Variants in PLA2G4A observed in about 807,000 individuals in gnomAD.
The protein encoded by PLA2G4A is cytosolic phospholipase A2.
In PLA2G4A, 40 loss-of-function variants were observed where a neutral mutation model predicts 81.9. The ratio of observed to expected loss-of-function variants is 0.49; its 90% CI spans 0.38 to 0.64. The LOEUF is 0.64. Among genes scored for constraint, PLA2G4A ranks in the 30% least tolerant of loss-of-function variants. The pLI is 0.00. For synonymous variants in PLA2G4A, 302 were observed against 296.9 expected, an observed-to-expected ratio of 1.02 and a Z score of -0.18; for missense variants, 715 against 905.1, an observed-to-expected ratio of 0.79 and a Z score of 2.69.
intron 1 of PLA2G4A, among the ~76,000 whole-genome samples, chr1:186,853,371 T>A (rs1196924891): frequency 6.6e-6 from 1 of 151,710 alleles, no homozygotes; most frequent in Non-Finnish European, 1.5e-5. Context: ...TACACTTTAT[T>A]CTTTGTTCAC....
chr1:186,893,226 C>G lies in PLA2G4A; in HGVS notation c.264+67C>G. ...TGTTGAGAGACATGCTTGAGTTTGT[C>G]CTTTTACTGCCTTTTTGTTCCTGTT... On this transcript the variant is annotated intron_variant, in intron 4 of 17. Coordinates refer to ENST00000367466, the MANE Select transcript of PLA2G4A (RefSeq NM_024420.3). The G allele has an allele frequency of 2.3e-6, 3 of 1,308,370 alleles. No individual in the cohort carries two copies. The Admixed American group carries it at 5.0e-5, about 22-fold the overall frequency. 81.0% of individuals were successfully genotyped at this position (1,308,370 alleles called of 1,614,324 possible). A position where few individuals can be genotyped will look rare whatever the true frequency, so the allele number is the denominator to read the frequency against.
rs1273906813 is a variant in PLA2G4A, at chr1:186,894,090, C to T, written c.265-8C>T. 8 of 1,033,154 alleles carry T rather than the reference C, an allele frequency of 7.7e-6. No homozygotes were observed. The highest frequency in any genetic ancestry group is 2.4e-5 in the East Asian group (1 of 42,186). The allele number at this position is 1,033,154 out of a possible 1,614,324, so 64.0% of individuals were successfully genotyped here. ...TTTTATTTTTGTGCTTTACATTTTACTCTGTAGATTACGTTAATGGATGCC... is the reference window on the plus strand; with the variant it reads ...TTTTATTTTTGTGCTTTACATTTTATTCTGTAGATTACGTTAATGGATGCC... On this transcript the variant is annotated splice_polypyrimidine_tract_variant and splice_region_variant and intron_variant, in intron 4 of 17. Coordinates refer to ENST00000367466, the MANE Select transcript of PLA2G4A (RefSeq NM_024420.3).
chr1:186,868,714 G>A (rs999756619), intron 2 of PLA2G4A, among the ~76,000 whole-genome samples: 1 of 152,082 alleles, frequency 6.6e-6, no homozygotes, highest in Non-Finnish European at 1.5e-5. Flanking sequence ...TAATAGATAT[G>A]CACCTATTTA....
chr1:186,864,653 T>TTAG (rs1156625682), intron 2 of PLA2G4A, among the ~76,000 whole-genome samples: 2 of 150,370 alleles, frequency 1.3e-5, no homozygotes, highest in East Asian at 3.9e-4. Context: ...CAGATTATTA[T>TTAG]TATTATTATT....
chr1:186,889,176 T>C (rs1462979501), intron 3 of PLA2G4A, among the ~76,000 whole-genome samples: 1 of 152,208 alleles, frequency 6.6e-6, no homozygotes, highest in Non-Finnish European at 1.5e-5. Context: ...AATCTTTTTG[T>C]TCTCTAATTT....
At chr1:186,842,984 A>T (rs1262737079) in intron 1 of PLA2G4A, among the ~76,000 whole-genome samples, 1 of 152,204 alleles carries the variant, frequency 6.6e-6, no homozygotes, top group Non-Finnish European at 1.5e-5. Context: ...AAAAAATGAC[A>T]TAGAAAGGGG....
chr1:186,913,808 G>A (rs1655046810), intron 7 of PLA2G4A, among the ~76,000 whole-genome samples: 1 of 152,144 alleles, frequency 6.6e-6, no homozygotes, highest in African/African-American at 2.4e-5. Flanking sequence ...TTAAGGGCAG[G>A]ATACAGTTGG....
intron 1 of PLA2G4A, among the ~76,000 whole-genome samples, chr1:186,844,945 TC>T (rs1652119515): frequency 1.3e-5 from 2 of 152,016 alleles, no homozygotes; most frequent in Non-Finnish European, 2.9e-5. Context: ...CCACACCTGA[TC>T]ACACTGTAAT....
intron 1 of PLA2G4A, among the ~76,000 whole-genome samples, chr1:186,852,479 T>G (rs146967315): frequency 2.0e-5 from 3 of 152,124 alleles, no homozygotes; most frequent in Admixed American, 1.3e-4. Context: ...GTGAACAAAT[T>G]TATTGGCTTA....
chr1:186,858,308 G>A (rs576535891), intron 2 of PLA2G4A, among the ~76,000 whole-genome samples: 14 of 152,238 alleles, frequency 9.2e-5, no homozygotes, highest in South Asian at 4.1e-4. Flanking sequence ...TCTAACTGGC[G>A]TGAGATGGTT....
chr1:186,951,357 T>C (rs894544673), intron 13 of PLA2G4A, among the ~76,000 whole-genome samples: 1 of 151,996 alleles, frequency 6.6e-6, no homozygotes, highest in African/African-American at 2.4e-5. Context: ...TTGCAACAAA[T>C]ATGAAAGTCA....
At chr1:186,962,379 G>A (rs908675826) in intron 14 of PLA2G4A, among the ~76,000 whole-genome samples, 1 of 151,966 alleles carries the variant, frequency 6.6e-6, no homozygotes, top group African/African-American at 2.4e-5. Context: ...TCCCATTATT[G>A]TGTTTTTAAA....
intron 2 of PLA2G4A, among the ~76,000 whole-genome samples, chr1:186,867,989 A>G (rs1406345874): frequency 1.3e-5 from 2 of 150,820 alleles, no homozygotes; most frequent in African/African-American, 2.4e-5. Flanking sequence ...TTGTTGATAT[A>G]TGGATTAAAT....
intron 3 of PLA2G4A, among the ~76,000 whole-genome samples, chr1:186,871,917 G>T (rs73053795): frequency 0.018 from 2,695 of 152,106 alleles, 74 homozygotes; most frequent in African/African-American, 0.061. Context: ...CAATGAAAAT[G>T]CCAGTAAAGA....
intron 2 of PLA2G4A, among the ~76,000 whole-genome samples, chr1:186,865,328 G>A (rs1180932779): frequency 6.6e-6 from 1 of 151,918 alleles, no homozygotes; most frequent in Non-Finnish European, 1.5e-5. Flanking sequence ...AGATTAGATA[G>A]TATTGTTAGA....
intron 3 of PLA2G4A, among the ~76,000 whole-genome samples, chr1:186,873,027 T>G (rs375847088): frequency 1.8e-4 from 28 of 152,092 alleles, no homozygotes; most frequent in East Asian, 1.2e-3. Flanking sequence ...TGTGTGTGTG[T>G]GGGGAGGGAG....
At chr1:186,844,795 T>A (rs1652113544) in intron 1 of PLA2G4A, among the ~76,000 whole-genome samples, 1 of 152,308 alleles carries the variant, frequency 6.6e-6, no homozygotes, top group East Asian at 1.9e-4. Flanking sequence ...ATAAAAAAAA[T>A]TTATTGTTGT....
chr1:186,931,475 C>T (rs1028525445), intron 7 of PLA2G4A, among the ~76,000 whole-genome samples: 1 of 151,498 alleles, frequency 6.6e-6, no homozygotes, highest in African/African-American at 2.4e-5. Flanking sequence ...AAGATCTGGC[C>T]TCTGCAGATT....
At chr1:186,898,900 A>G (rs1338320435) in intron 5 of PLA2G4A, among the ~76,000 whole-genome samples, 1 of 152,184 alleles carries the variant, frequency 6.6e-6, no homozygotes, top group Admixed American at 6.5e-5. Context: ...AGAAGAAATT[A>G]TTTATTCATT....
Sources: allele counts gnomAD v4.1 joint callset (sites outside exome capture counted in the v4.1 genomes callset), GRCh38; gene constraint gnomAD v4.1.1; transcripts MANE v1.5; gene names NCBI Gene and HGNC (gene_info 2026-07-23, HGNC 2026-07-21).